DNAAF9: variants seen among roughly 807,000 people sequenced by gnomAD.
DNAAF9 encodes the protein dynein axonemal assembly factor 9.
A neutral mutation model predicts 167.0 loss-of-function variants in DNAAF9; 90 were observed. The observed-to-expected ratio is 0.54, with a 90% CI of 0.45 to 0.64. The LOEUF (loss-of-function observed/expected upper bound fraction) is 0.64, where lower values mean the gene tolerates loss of function less well. DNAAF9 is among the 30% of genes least tolerant of loss of function. The pLI is 0.00. For synonymous variants in DNAAF9, 491 were observed against 508.8 expected, an observed-to-expected ratio of 0.96 and a Z score of 0.47; for missense variants, 1,315 against 1,442.2, an observed-to-expected ratio of 0.91 and a Z score of 1.43.
chr20:3,264,259 A>T (rs2068445398), intron 31 of DNAAF9, among the ~76,000 whole-genome samples, 179 bp downstream of exon 31: 1 of 152,216 alleles, frequency 6.6e-6, no homozygotes, highest in Non-Finnish European at 1.5e-5. Context: ...CAAGAGGTGG[A>T]GCACTGGGCT....
Position 3,259,540 on chromosome 20 carries a change from T to C in DNAAF9, c.2995A>G (p.Ile999Val), listed in dbSNP as rs1365672861. 3 of 1,611,048 alleles carry C rather than the reference T, an allele frequency of 1.9e-6. No individual in the cohort carries two copies. Among genetic ancestry groups the C allele is most frequent in the African/African-American group, 2.7e-5 (2 of 74,814 alleles). Residue 999 changes from isoleucine to valine, a missense_variant, in exon 33 of 37, where the codon ATC becomes GTC. Ile to Val is a conservative substitution (Grantham distance 29, BLOSUM62 3). This residue lies in a region of DNAAF9 where 334 missense variants were observed against 429.7 expected (regional missense o/e 0.78). Transcript: ENST00000252032. Reference protein sequence around the residue: ...VAKCKAIQSSIKPSPFSGNIY... With the variant: ...VAKCKAIQSSVKPSPFSGNIY... ...TTTCCGGAGAAGGGACTTGGCTTGATGGAGGACTGAATTGCTGGTGGAAGA... is the reference window on the plus strand; with the variant it reads ...TTTCCGGAGAAGGGACTTGGCTTGACGGAGGACTGAATTGCTGGTGGAAGA...
intron 22 of DNAAF9, 45 bp downstream of exon 22, chr20:3,297,984 G>GA (rs546249876): frequency 3.9e-5 from 59 of 1,497,108 alleles, no homozygotes; most frequent in Non-Finnish European, 4.9e-5. Flanking sequence ...TTGCTAGGGG[G>GA]AAAAAAAAGT....
At chr20:3,358,396 G>A (rs2083317539) in intron 7 of DNAAF9, among the ~76,000 whole-genome samples, 1 of 152,044 alleles carries the variant, frequency 6.6e-6, no homozygotes, top group Non-Finnish European at 1.5e-5. Context: ...CGATTCTCCT[G>A]CCTCAGCCTT....
chr20:3,331,403 G>A (rs1339684329), intron 11 of DNAAF9, among the ~76,000 whole-genome samples: 3 of 151,930 alleles, frequency 2.0e-5, no homozygotes, highest in South Asian at 2.1e-4. Flanking sequence ...AATAAAATAC[G>A]GTTCCTGACG....
At chr20:3,366,947 T>TA (rs1376586078) in intron 6 of DNAAF9, among the ~76,000 whole-genome samples, 1 of 150,854 alleles carries the variant, frequency 6.6e-6, no homozygotes, top group Non-Finnish European at 1.5e-5. Flanking sequence ...AAAAAAAAAT[T>TA]AAAAAAATAA....
chr20:3,343,548 T>TTA (rs1197671515), intron 9 of DNAAF9, 128 bp downstream of exon 9: 6 of 678,060 alleles, frequency 8.8e-6, no homozygotes, highest in Non-Finnish European at 1.6e-5. Flanking sequence ...TACCCTGTGA[T>TTA]AACTAAAGTC....
intron 21 of DNAAF9, 127 bp from the exon 22 acceptor site, chr20:3,298,302 T>C: frequency 1.3e-6 from 1 of 786,524 alleles, no homozygotes. Context: ...TTCACTGTGG[T>C]TCAGTATAGA....
intron 1 of DNAAF9, among the ~76,000 whole-genome samples, chr20:3,394,949 C>CTTTTTTTTTTTTTTTTTTTTTTTTTTTT (rs10522445): frequency 9.8e-6 from 1 of 102,132 alleles, no homozygotes; most frequent in African/African-American, 4.1e-5. Flanking sequence ...TTTCTTTTTT[C>CTTTTTTTTTTTTTTTTTTTTTTTTTTTT]TTTTTTTTTT....
intron 7 of DNAAF9, among the ~76,000 whole-genome samples, chr20:3,349,309 G>A (rs1283596696): frequency 6.6e-6 from 1 of 151,738 alleles, no homozygotes; most frequent in Admixed American, 6.6e-5. Flanking sequence ...TTGAGCCCAA[G>A]AGGTCCAAGT....
At chr20:3,259,329 G>T in intron 33 of DNAAF9, 151 bp downstream of exon 33, 2 of 674,548 alleles carry the variant, frequency 3.0e-6, no homozygotes, top group Non-Finnish European at 2.7e-6. Context: ...TGATGGACAA[G>T]CCTGATGGCG....
At chr20:3,345,304 T>C (rs1037300342) in intron 8 of DNAAF9, among the ~76,000 whole-genome samples, 12 of 152,196 alleles carry the variant, frequency 7.9e-5, no homozygotes, top group African/African-American at 2.4e-4. Context: ...GTCTTACTGA[T>C]GTGTAAAAAC....
chr20:3,326,456 G>C (rs1232711016), intron 12 of DNAAF9, among the ~76,000 whole-genome samples, 172 bp from the exon 13 acceptor site: 5 of 152,160 alleles, frequency 3.3e-5, no homozygotes, highest in Non-Finnish European at 7.3e-5. Context: ...CCTGGGCCAG[G>C]CATAGTGGCT....
chr20:3,314,996 A>C (rs1203868856), intron 20 of DNAAF9, 37 bp downstream of exon 20: 1 of 1,217,136 alleles, frequency 8.2e-7, no homozygotes, highest in Non-Finnish European at 1.2e-6. Context: ...TGAGGGACCC[A>C]GACATGGCCA....
chr20:3,263,678 A>C (rs1257313409), intron 31 of DNAAF9, among the ~76,000 whole-genome samples: 1 of 152,226 alleles, frequency 6.6e-6, no homozygotes, highest in Non-Finnish European at 1.5e-5. Flanking sequence ...TCACAACAGC[A>C]CTGTTCAACA....
intron 21 of DNAAF9, among the ~76,000 whole-genome samples, chr20:3,303,927 T>A (rs1437360203): frequency 2.0e-5 from 3 of 152,160 alleles, no homozygotes; most frequent in African/African-American, 7.2e-5. Context: ...GGAGAGGAAG[T>A]CTGGGTGTGT....
At chr20:3,387,884 T>TAAAAAAA (rs557861791) in intron 1 of DNAAF9, among the ~76,000 whole-genome samples, 2,312 of 87,136 alleles carry the variant, frequency 0.027, 103 homozygotes, top group Non-Finnish European at 0.03. Flanking sequence ...CTACAAAAAG[T>TAAAAAAA]AAAAAAAAAA....
At chr20:3,328,285 G>T (rs2069753554) in intron 12 of DNAAF9, among the ~76,000 whole-genome samples, 3 of 150,836 alleles carry the variant, frequency 2.0e-5, no homozygotes, top group Non-Finnish European at 4.4e-5. Context: ...GGGTTCAAGC[G>T]ATTTTCCTGC....
At chr20:3,317,360 C>CAA (rs756394932) in intron 17 of DNAAF9, among the ~76,000 whole-genome samples, 11 of 99,488 alleles carry the variant, frequency 1.1e-4, no homozygotes, top group Non-Finnish European at 1.2e-4. Context: ...GACCTTGTCT[C>CAA]AAAAAAAAAA....
At chr20:3,335,302 G>A (rs554435923) in intron 10 of DNAAF9, among the ~76,000 whole-genome samples, 29 of 152,070 alleles carry the variant, frequency 1.9e-4, no homozygotes, top group African/African-American at 5.3e-4. Flanking sequence ...TGTAGTTTTC[G>A]TTCATCTGTG....
Sources: allele counts gnomAD v4.1 joint callset (sites outside exome capture counted in the v4.1 genomes callset), GRCh38; gene constraint gnomAD v4.1.1; regional missense constraint gnomAD v4.1.1; transcripts MANE v1.5; gene names NCBI Gene and HGNC (gene_info 2026-07-23, HGNC 2026-07-21).